Variants in AFF3 observed in about 807,000 individuals in gnomAD.
The protein encoded by AFF3 is ALF transcription elongation factor 3.
A neutral mutation model predicts 129.7 loss-of-function variants in AFF3; 32 were observed. The ratio of observed to expected loss-of-function variants is 0.25; its 90% CI spans 0.19 to 0.33. AFF3 has a LOEUF of 0.33. Among genes scored for constraint, AFF3 ranks in the 10% least tolerant of loss-of-function variants. The pLI, the probability that AFF3 is intolerant of heterozygous loss-of-function variation, is 1.00. For synonymous variants in AFF3, 644 were observed against 635.4 expected, an observed-to-expected ratio of 1.01 and a Z score of -0.20; for missense variants, 1,373 against 1,592.0, an observed-to-expected ratio of 0.86 and a Z score of 2.34.
intron 13 of AFF3, among the ~76,000 whole-genome samples, chr2:99,625,285 C>G (rs1474128446): frequency 6.6e-6 from 1 of 152,068 alleles, no homozygotes; most frequent in African/African-American, 2.4e-5. Flanking sequence ...ACAGGGCACC[C>G]CGTGAAATTT....
chr2:99,994,419 GT>G (rs974904960), intron 7 of AFF3, among the ~76,000 whole-genome samples: 1 of 151,940 alleles, frequency 6.6e-6, no homozygotes, highest in Non-Finnish European at 1.5e-5. Flanking sequence ...ATGTTTGTTA[GT>G]TTTTTTTCCA....
At chr2:99,695,962 C>CAAAA (rs1676212587) in intron 11 of AFF3, among the ~76,000 whole-genome samples, 1 of 90,068 alleles carries the variant, frequency 1.1e-5, no homozygotes, top group African/African-American at 5.1e-5. Context: ...AAAAAAAAAC[C>CAAAA]AAAAGAAAAA....
chr2:99,614,898 C>A (rs550574460), intron 13 of AFF3, among the ~76,000 whole-genome samples: 3 of 152,218 alleles, frequency 2.0e-5, no homozygotes, highest in East Asian at 1.9e-4. Context: ...TAAAGACCCA[C>A]GTGTGGCCCC....
chr2:99,643,729 C>A (rs748270256), intron 13 of AFF3, among the ~76,000 whole-genome samples: 1 of 152,206 alleles, frequency 6.6e-6, no homozygotes, highest in African/African-American at 2.4e-5. Context: ...CAGGTGGGTA[C>A]CCGCTGCCCT....
rs536322720 is a variant in AFF3, at chr2:99,969,654, T to TTTG, written c.873+36975_873+36977dup. Among the ~76,000 whole-genome samples the TTTG allele has an allele frequency of 4.0e-3, 607 of 151,286 alleles. 6 individuals are homozygous for TTTG. Among genetic ancestry groups the TTTG allele is most frequent in the African/African-American group, 7.2e-3 (296 of 41,268 alleles). ...CAGGTGCCTGCCACCCCACCCAGGTTTTGTTGTTGTTGTTGTTGTTGTTGT... is the reference window on the plus strand; with the variant it reads ...CAGGTGCCTGCCACCCCACCCAGGTTTTGTTGTTGTTGTTGTTGTTGTTGTTGT... On this transcript the variant is annotated intron_variant, in intron 7 of 24. Coordinates refer to ENST00000672756, the MANE Select transcript of AFF3 (RefSeq NM_001386135.1).
chr2:99,629,790 T>C (rs2105377641), intron 13 of AFF3, among the ~76,000 whole-genome samples: 1 of 152,262 alleles, frequency 6.6e-6, no homozygotes, highest in African/African-American at 2.4e-5. Context: ...ACATGACCTC[T>C]CCTTTGTGAG....
rs143512477 is a variant in AFF3, at chr2:100,013,808, C to A, written c.54-4876G>T. Among the ~76,000 whole-genome samples the A allele has an allele frequency of 2.0e-4, 31 of 152,256 alleles. No individual in the cohort carries two copies. The East Asian group carries it at 5.6e-3, about 27-fold the overall frequency. ...CTCTTTCCACAGCTCACACACAAAG[C>A]AGACCTATGTAACCTAGAATTGTGG... On this transcript the variant is annotated intron_variant, in intron 4 of 24. Transcript: ENST00000672756.
intron 7 of AFF3, among the ~76,000 whole-genome samples, chr2:99,982,487 C>G (rs1310742072): frequency 6.6e-6 from 1 of 152,166 alleles, no homozygotes; most frequent in Non-Finnish European, 1.5e-5. Flanking sequence ...TTGGGTATGT[C>G]TTTATCAGTA....
chr2:99,663,818 G>A (rs1233976970), intron 12 of AFF3, among the ~76,000 whole-genome samples: 1 of 152,188 alleles, frequency 6.6e-6, no homozygotes, highest in East Asian at 1.9e-4. Context: ...CCTAAGCTAT[G>A]TATTTGTCAT....
intron 11 of AFF3, among the ~76,000 whole-genome samples, chr2:99,711,665 G>A (rs80233561): frequency 0.026 from 3,919 of 152,290 alleles, 81 homozygotes; most frequent in Non-Finnish European, 0.036. Context: ...GACGCACAGC[G>A]AATGTATGTG....
chr2:99,775,965 A>C (rs931064328), intron 8 of AFF3, among the ~76,000 whole-genome samples: 1 of 152,234 alleles, frequency 6.6e-6, no homozygotes, highest in African/African-American at 2.4e-5. Context: ...ACACTAGTTT[A>C]GTTCTGGGCA....
Position 99,821,515 on chromosome 2 carries a change from T to G in AFF3, c.921+15962A>C, listed in dbSNP as rs1227180934. ...AAAAGAAAATAAAAAGGTCCGTGCA[T>G]AAAACTCATGTTTTAAAAAAGTTTA... On this transcript the variant is annotated intron_variant, in intron 8 of 24. Coordinates refer to ENST00000672756, the MANE Select transcript of AFF3 (RefSeq NM_001386135.1). Among the ~76,000 whole-genome samples, 5 of 152,136 alleles carry G rather than the reference T, an allele frequency of 3.3e-5. No individual in the cohort carries two copies. The East Asian group carries it at 9.6e-4, about 29-fold the overall frequency.
At chr2:99,637,036 G>A (rs372332135) in intron 13 of AFF3, among the ~76,000 whole-genome samples, 1 of 152,156 alleles carries the variant, frequency 6.6e-6, no homozygotes, top group Non-Finnish European at 1.5e-5. Flanking sequence ...GGAATGGTCA[G>A]GGTGGGACTG....
At chr2:100,064,858 T>C (rs1687592014) in intron 4 of AFF3, among the ~76,000 whole-genome samples, 3 of 152,254 alleles carry the variant, frequency 2.0e-5, no homozygotes, top group African/African-American at 4.8e-5. Context: ...TATAGATTCA[T>C]TATGATTAGA....
intron 13 of AFF3, among the ~76,000 whole-genome samples, chr2:99,604,195 C>G (rs1401749829): frequency 2.6e-5 from 4 of 152,142 alleles, no homozygotes; most frequent in Non-Finnish European, 4.4e-5. Context: ...CAACACTATT[C>G]ACAACAGCAA....
At position 99,617,861 on chromosome 2, in the gene AFF3, G is replaced by A. The variant is rs556054667; in HGVS notation, c.1185-16240C>T. ...ACAGAAGGCAGAGCAGAGGGGTCCA[G>A]TGACTCACTCTAGGTTGCATATCAG... On this transcript the variant is annotated intron_variant, in intron 13 of 24. Coordinates refer to ENST00000672756, the MANE Select transcript of AFF3 (RefSeq NM_001386135.1). Among the ~76,000 whole-genome samples, 200 of 152,312 alleles carry A rather than the reference G, an allele frequency of 1.3e-3. 1 individual carries two copies. The highest frequency in any genetic ancestry group is 2.6e-3 in the Non-Finnish European group (179 of 68,032).
chr2:99,555,309 G>T (rs1343728232), intron 22 of AFF3, among the ~76,000 whole-genome samples: 2 of 152,166 alleles, frequency 1.3e-5, no homozygotes, highest in Non-Finnish European at 2.9e-5. Flanking sequence ...TTAAAAGTAG[G>T]ACATGTTTGC....
At chr2:99,565,789 C>G (rs1470802717) in intron 19 of AFF3, among the ~76,000 whole-genome samples, 166 bp from the exon 20 acceptor site, 1 of 152,188 alleles carries the variant, frequency 6.6e-6, no homozygotes, top group African/African-American at 2.4e-5. Context: ...CTTATTTTCT[C>G]AAACTGCTAC....
chr2:99,747,356 G>A (rs555546796), intron 9 of AFF3, among the ~76,000 whole-genome samples: 5 of 150,514 alleles, frequency 3.3e-5, no homozygotes, highest in Admixed American at 3.3e-4. Flanking sequence ...TAGAGACAGG[G>A]CCACATTCTG....
Sources: gnomAD v4.1 joint callset for allele counts (sites outside exome capture counted in the v4.1 genomes callset) on GRCh38, gnomAD v4.1.1 for gene constraint, MANE v1.5 for transcripts, NCBI Gene and HGNC (gene_info 2026-07-23, HGNC 2026-07-21) for gene names.